SEC61A2: variants seen among roughly 807,000 people sequenced by gnomAD.
The protein encoded by SEC61A2 is SEC61 translocon subunit alpha 2.
Under a neutral mutation model 59.9 loss-of-function variants are expected in SEC61A2, and 28 were observed. The ratio of observed to expected loss-of-function variants is 0.47; its 90% CI spans 0.35 to 0.64. The LOEUF (loss-of-function observed/expected upper bound fraction) is 0.64, where lower values mean the gene tolerates loss of function less well. Among genes scored for constraint, SEC61A2 ranks in the 30% least tolerant of loss-of-function variants. SEC61A2 has a pLI of 0.01. For synonymous variants in SEC61A2, 202 were observed against 214.4 expected, an observed-to-expected ratio of 0.94 and a Z score of 0.50; for missense variants, 340 against 585.9, an observed-to-expected ratio of 0.58 and a Z score of 4.33.
downstream of SEC61A2, among the ~76,000 whole-genome samples, chr10:12,168,170 G>T (rs558644989): frequency 6.6e-5 from 10 of 152,008 alleles, no homozygotes; most frequent in African/African-American, 2.4e-4. The surrounding 1 kb of genome is among the most constrained non-coding windows in gnomAD (Gnocchi z 4.8). Flanking sequence ...GACTATAGGC[G>T]CACGCCACCA....
At chr10:12,159,908 G>GT (rs924567658) in intron 9 of SEC61A2, among the ~76,000 whole-genome samples, 11 of 151,884 alleles carry the variant, frequency 7.2e-5, no homozygotes, top group Admixed American at 3.3e-4. Flanking sequence ...TAAAAAAAAG[G>GT]TTTTTTTAAG....
Position 12,157,846 on chromosome 10 carries a change from T to C in SEC61A2, c.778-62T>C, listed in dbSNP as rs1834440131. 4 of 1,479,144 alleles carry C rather than the reference T, an allele frequency of 2.7e-6. No homozygotes were observed. The East Asian group carries it at 9.0e-5, about 33-fold the overall frequency. 91.6% of individuals were successfully genotyped at this position (1,479,144 alleles called of 1,614,324 possible). On this transcript the variant is annotated intron_variant, in intron 8 of 11. Coordinates refer to ENST00000298428, the MANE Select transcript of SEC61A2 (RefSeq NM_018144.4). Reference sequence around the variant, plus strand: ...CGCACTGTTCTTTGTTTTCCCTCTCTGGTCTCTGTTCTTTTCTTAATGTGT... The same window carrying C: ...CGCACTGTTCTTTGTTTTCCCTCTCCGGTCTCTGTTCTTTTCTTAATGTGT...
chr10:12,160,238 A>G lies in SEC61A2; in HGVS notation c.976-692A>G, dbSNP rs904505620. On this transcript the variant is annotated intron_variant, in intron 9 of 11. Transcript: ENST00000298428. This position sits in a 1 kb window ranked among gnomAD's most constrained non-coding sequence, Gnocchi z 4.1. Reference sequence around the variant, plus strand: ...GAATGATTGGGAGATAGTGCTTTTGATCTGGGATTAATGATTCTAGGGGCA... The same window carrying G: ...GAATGATTGGGAGATAGTGCTTTTGGTCTGGGATTAATGATTCTAGGGGCA... Among the ~76,000 whole-genome samples, 2 of 152,166 alleles carry G rather than the reference A, an allele frequency of 1.3e-5. No homozygotes were observed. The highest frequency in any genetic ancestry group is 2.4e-5 in the African/African-American group (1 of 41,444).
Position 12,143,589 on chromosome 10 carries a change from G to A in SEC61A2, c.220+394G>A, listed in dbSNP as rs1358451107. Among the ~76,000 whole-genome samples the A allele has an allele frequency of 2.0e-5, 3 of 152,158 alleles. No individual in the cohort carries two copies. Among genetic ancestry groups the A allele is most frequent in the Non-Finnish European group, 4.4e-5 (3 of 68,016 alleles). ...GTCTCTACTAAAAATAGAAAAATTA[G>A]CCAGGTGTGGGTATGCACCTGTAAT... On this transcript the variant is annotated intron_variant, in intron 4 of 11. Transcript: ENST00000298428. The surrounding 1 kb of genome is among the most constrained non-coding windows in gnomAD (Gnocchi z 4.8).
rs1307044925 is a variant in SEC61A2 at position 12,129,723 on chromosome 10, C to T, written c.-65C>T. 8 of 1,458,844 alleles carry T rather than the reference C, an allele frequency of 5.5e-6. No individual in the cohort carries two copies. The highest frequency in any genetic ancestry group is 1.5e-5 in the African/African-American group (1 of 68,148). The allele number at this position is 1,458,844 out of a possible 1,614,324, so 90.4% of individuals were successfully genotyped here. On this transcript the variant is annotated 5_prime_UTR_variant, in exon 1 of 12. Coordinates refer to ENST00000298428, the MANE Select transcript of SEC61A2 (RefSeq NM_018144.4). The surrounding 1 kb of genome is among the most constrained non-coding windows in gnomAD (Gnocchi z 5.6). ...CGGGAGCCGGTACCGAGGCCCGAGC[C>T]GCGGGAGTCGAGCGAAGGCAGCGCC...
chr10:12,146,888 T>G (rs749896823), intron 4 of SEC61A2, among the ~76,000 whole-genome samples: 15 of 151,948 alleles, frequency 9.9e-5, no homozygotes, highest in Non-Finnish European at 1.9e-4. Context: ...TTGTCATTTG[T>G]GTTTAATTTT....
chr10:12,131,177 TAAAC>T (rs1295878020), intron 1 of SEC61A2, among the ~76,000 whole-genome samples: 2 of 152,108 alleles, frequency 1.3e-5, no homozygotes, highest in Non-Finnish European at 2.9e-5. Flanking sequence ...CGTCTCGAAA[TAAAC>T]AAACATATAT....
chr10:12,136,340 A>G (rs11257558), intron 3 of SEC61A2, among the ~76,000 whole-genome samples, 170 bp downstream of exon 3: 83,500 of 152,044 alleles, frequency 0.55, 22,938 homozygotes, highest in South Asian at 0.7. Context: ...ATGGAGTCTC[A>G]CTCTGTTGCC....
chr10:12,144,723 C>T (rs1475630807), intron 4 of SEC61A2, among the ~76,000 whole-genome samples: 1 of 151,988 alleles, frequency 6.6e-6, no homozygotes, highest in African/African-American at 2.4e-5. Context: ...GTGCAAAGGC[C>T]CTGAGGTGAG....
chr10:12,139,142 C>T (rs985944628), intron 3 of SEC61A2, among the ~76,000 whole-genome samples: 4 of 151,634 alleles, frequency 2.6e-5, no homozygotes, highest in Non-Finnish European at 5.9e-5. Context: ...TTGTATTTTT[C>T]GTAGAGCTGG....
At chr10:12,144,520 T>A (rs1030663314) in intron 4 of SEC61A2, among the ~76,000 whole-genome samples, 3 of 152,324 alleles carry the variant, frequency 2.0e-5, no homozygotes, top group Non-Finnish European at 2.9e-5. Context: ...TGTGTCAGCC[T>A]TTGTGCAAGG....
At chr10:12,146,809 C>T (rs528875909) in intron 4 of SEC61A2, among the ~76,000 whole-genome samples, 15 of 152,174 alleles carry the variant, frequency 9.9e-5, no homozygotes, top group South Asian at 2.1e-4. Flanking sequence ...TGAGCCACCG[C>T]GCCCAGCCAG....
chr10:12,134,082 C>T (rs539490277), intron 2 of SEC61A2, among the ~76,000 whole-genome samples: 2 of 152,364 alleles, frequency 1.3e-5, no homozygotes, highest in South Asian at 2.1e-4. Flanking sequence ...TCAAGGCTCA[C>T]TGCAAGCTCC....
Position 12,160,743 on chromosome 10 carries a change from T to C in SEC61A2, c.976-187T>C, listed in dbSNP as rs1834507401. On this transcript the variant is annotated intron_variant, in intron 9 of 11. Coordinates refer to ENST00000298428, the MANE Select transcript of SEC61A2 (RefSeq NM_018144.4). This position sits in a 1 kb window ranked among gnomAD's most constrained non-coding sequence, Gnocchi z 4.1. ...CACAGTGTCTTGCATGTAATAGGTG[T>C]TCATCGTATAACTTTGAAGGAGTGA... is the stretch of plus-strand genomic sequence containing the variant. 6.6e-6 allele frequency among the ~76,000 whole-genome samples: 1 copy of C among 152,224 alleles called. No individual in the cohort carries two copies. Among genetic ancestry groups the C allele is most frequent in the Admixed American group, 6.5e-5 (1 of 15,278 alleles).
In SEC61A2 at chr10:12,162,268, C is replaced by CT; in HGVS notation, c.1224dup (p.Met409TyrfsTer4). ...GTAATGAGGGGCCACCGAGATACCT[C>CT]TATGGTTCATGAGCTTAATAGGTAA... On this transcript the variant is annotated frameshift_variant, in exon 11 of 12. Coordinates refer to ENST00000298428, the MANE Select transcript of SEC61A2 (RefSeq NM_018144.4). LOFTEE classifies it high-confidence loss of function. This position sits in a 1 kb window ranked among gnomAD's most constrained non-coding sequence, Gnocchi z 6.1. The CT allele has an allele frequency of 6.2e-7, 1 of 1,613,644 alleles. No individual in the cohort carries two copies. Among genetic ancestry groups the CT allele is most frequent in the Non-Finnish European group, 8.5e-7 (1 of 1,179,654 alleles).
intron 1 of SEC61A2, 110 bp from the exon 2 acceptor site, chr10:12,133,131 G>T (rs1833800447): frequency 1.7e-6 from 1 of 588,464 alleles, no homozygotes; most frequent in East Asian, 2.9e-5. Flanking sequence ...GGGGCTTAAG[G>T]GTGGGGTGAA....
chr10:12,156,759 C>T lies in SEC61A2; in HGVS notation c.617-148C>T. The T allele has an allele frequency of 1.5e-6, 1 of 654,664 alleles. No individual in the cohort carries two copies. Among genetic ancestry groups the T allele is most frequent in the Non-Finnish European group, 2.6e-6 (1 of 386,828 alleles). 40.6% of individuals were successfully genotyped at this position (654,664 alleles called of 1,614,324 possible). Reference sequence around the variant, plus strand: ...ATGATCTAAATATTTGTAGAACCTGCTCACATGGCTATATCATAAAGCAAA... The same window carrying T: ...ATGATCTAAATATTTGTAGAACCTGTTCACATGGCTATATCATAAAGCAAA... On this transcript the variant is annotated intron_variant, in intron 7 of 11. Coordinates refer to ENST00000298428, the MANE Select transcript of SEC61A2 (RefSeq NM_018144.4). This position sits in a 1 kb window ranked among gnomAD's most constrained non-coding sequence, Gnocchi z 5.2.
At position 12,165,038 on chromosome 10, in the gene SEC61A2, GCCTCCTCCTTCTCCT is replaced by G. The variant is rs529499125; in HGVS notation, c.*592_*606del. On this transcript the variant is annotated 3_prime_UTR_variant, in exon 12 of 12. Coordinates refer to ENST00000298428, the MANE Select transcript of SEC61A2 (RefSeq NM_018144.4). ...TATTTCTGCCACAACTGCTTCTAAG[GCCTCCTCCTTCTCCT>G]CCTCCTCTTCCTCTTCCTCCTTTTC... 3.1e-4 allele frequency: 310 copies of G among 985,880 alleles called. 2 individuals carry two copies. The Admixed American group carries it at 0.011, about 33-fold the overall frequency. The allele number at this position is 985,880 out of a possible 1,614,324, so 61.1% of individuals were successfully genotyped here. A position where few individuals can be genotyped will look rare whatever the true frequency, so the allele number is the denominator to read the frequency against.
chr10:12,156,098 T>C lies in SEC61A2; in HGVS notation c.616+167T>C, dbSNP rs1346614224. On this transcript the variant is annotated intron_variant, in intron 7 of 11. Transcript: ENST00000298428. The surrounding 1 kb of genome is among the most constrained non-coding windows in gnomAD (Gnocchi z 5.2). ...GAGCAGAGATTTGTGGAGTAAGCAA[T>C]ACTACCTCAGAGAGAATAGTATCAA... is the stretch of plus-strand genomic sequence containing the variant. Among the ~76,000 whole-genome samples the C allele has an allele frequency of 6.6e-6, 1 of 152,198 alleles. No homozygotes were observed. Among genetic ancestry groups the C allele is most frequent in the East Asian group, 1.9e-4 (1 of 5,198 alleles).
Sources: gnomAD v4.1 joint callset for allele counts (sites outside exome capture counted in the v4.1 genomes callset) on GRCh38, gnomAD v4.1.1 for gene constraint, Gnocchi (gnomAD v3.1) non-coding constraint, MANE v1.5 for transcripts, NCBI Gene and HGNC (gene_info 2026-07-23, HGNC 2026-07-21) for gene names.